Variants in GRM8 observed in about 807,000 individuals in gnomAD.
The protein encoded by GRM8 is glutamate metabotropic receptor 8.
Under a neutral mutation model 87.2 loss-of-function variants are expected in GRM8, and 47 were observed. That is an observed-to-expected ratio of 0.54 (90% CI 0.43 to 0.69). GRM8 has a LOEUF of 0.69. Ranked by LOEUF, GRM8 falls within the 30% of genes least tolerant of loss-of-function variation. The probability of loss-of-function intolerance (pLI) is 0.00; values close to 1 mark genes in which losing one functional copy is unlikely to be tolerated. For synonymous variants in GRM8, 396 were observed against 404.5 expected (o/e 0.98, Z 0.25); for missense variants, 1,019 against 1,139.2 (o/e 0.89, Z 1.52).
chr7:126,687,969 G>C (rs767197905), intron 7 of GRM8, among the ~76,000 whole-genome samples: 15 of 151,426 alleles, frequency 9.9e-5, no homozygotes, highest in Non-Finnish European at 2.1e-4. Context: ...TTTTCTATTG[G>C]GTTGTATTTT....
At chr7:127,060,324 A>G (rs1276621445) in intron 3 of GRM8, among the ~76,000 whole-genome samples, 1 of 152,092 alleles carries the variant, frequency 6.6e-6, no homozygotes, top group Non-Finnish European at 1.5e-5. Flanking sequence ...ATATATACAC[A>G]TATATATTCA....
intron 3 of GRM8, among the ~76,000 whole-genome samples, chr7:127,063,867 A>T (rs17867752): frequency 0.046 from 7,045 of 152,262 alleles, 311 homozygotes; most frequent in Non-Finnish European, 0.059. Flanking sequence ...TTTCTGCCTT[A>T]ATTTCACTAT....
chr7:126,586,590 C>T (rs549749843), intron 8 of GRM8, among the ~76,000 whole-genome samples: 1 of 152,160 alleles, frequency 6.6e-6, no homozygotes, highest in Non-Finnish European at 1.5e-5. Flanking sequence ...AAAGGATTCC[C>T]TATTTAATAA....
chr7:126,654,699 T>C (rs1157535577), intron 7 of GRM8, among the ~76,000 whole-genome samples: 3 of 152,190 alleles, frequency 2.0e-5, no homozygotes, highest in Non-Finnish European at 4.4e-5. Context: ...TCAATAACAA[T>C]GTCATCATTT....
At chr7:126,528,581 A>C (rs1457988507) in intron 9 of GRM8, among the ~76,000 whole-genome samples, 2 of 151,662 alleles carry the variant, frequency 1.3e-5, no homozygotes, top group Non-Finnish European at 2.9e-5. Context: ...AGTTATTAGT[A>C]CAAAAAAACA....
At chr7:126,845,271 G>T (rs992549212) in intron 6 of GRM8, among the ~76,000 whole-genome samples, 4 of 152,148 alleles carry the variant, frequency 2.6e-5, no homozygotes, top group African/African-American at 9.7e-5. Context: ...TTGTGCTCAT[G>T]GAGAAAAATA....
intron 3 of GRM8, among the ~76,000 whole-genome samples, chr7:126,997,202 G>A (rs759018293): frequency 1.7e-4 from 25 of 150,642 alleles, no homozygotes; most frequent in Non-Finnish European, 2.7e-4. Flanking sequence ...TGACCAGTGG[G>A]TCAATGAAGA....
intron 8 of GRM8, among the ~76,000 whole-genome samples, chr7:126,602,371 C>T (rs1055625697): frequency 4.5e-5 from 6 of 131,924 alleles, no homozygotes; most frequent in African/African-American, 1.5e-4. Flanking sequence ...TAGCGTGATG[C>T]CTCCAGCTTT....
intron 8 of GRM8, among the ~76,000 whole-genome samples, chr7:126,547,603 C>G (rs1817303241): frequency 6.6e-6 from 1 of 151,036 alleles, no homozygotes; most frequent in East Asian, 1.9e-4. Flanking sequence ...GAAATTTAAG[C>G]AAAAAGACAT....
At chr7:126,920,724 T>C (rs1238107763) in intron 3 of GRM8, among the ~76,000 whole-genome samples, 1 of 152,074 alleles carries the variant, frequency 6.6e-6, no homozygotes, top group Admixed American at 6.6e-5. Context: ...GCTGAAGACA[T>C]AGTGAGTTTC....
chr7:127,119,481 G>GTC lies in GRM8; in HGVS notation c.511-12771_511-12770dup, dbSNP rs66684637. Among the ~76,000 whole-genome samples, 351 of 148,778 alleles carry GTC rather than the reference G, an allele frequency of 2.4e-3. 1 individual carries two copies. The highest frequency in any genetic ancestry group is 0.016 in the East Asian group (83 of 5,052). ...AGCCTGGGTGACAGAGCGAGATCCT[G>GTC]TCTCTCTCTCTCTCTCTCTCACACA... On this transcript the variant is annotated intron_variant, in intron 2 of 10. Coordinates refer to ENST00000339582, the MANE Select transcript of GRM8 (RefSeq NM_000845.3).
In GRM8 at chr7:126,533,125, G is replaced by A; in HGVS notation, c.2257C>T (p.Leu753Phe). The part of the protein sequence containing the change: ...DISDLSLICS[L>F]GYSILLMVTC... Reference sequence around the variant, plus strand: ...ACCATCAAGAGGATACTGTATCCAAGTGAACAAATGAGTGAGAGATCAGAA... The same window carrying A: ...ACCATCAAGAGGATACTGTATCCAAATGAACAAATGAGTGAGAGATCAGAA... The change falls in exon 9 of 11, where the codon CTT (leucine) becomes TTT (phenylalanine). Residue 753 changes from leucine (L) to phenylalanine (F), a missense_variant. By Grantham distance (22) the Leu-to-Phe change is conservative. Transcript: ENST00000339582. 1 of 1,613,352 alleles carries A rather than the reference G, an allele frequency of 6.2e-7. No individual in the cohort carries two copies. Among genetic ancestry groups the A allele is most frequent in the East Asian group, 2.2e-5 (1 of 44,838 alleles).
At chr7:127,031,769 C>G (rs1817392739) in intron 3 of GRM8, among the ~76,000 whole-genome samples, 9 of 152,084 alleles carry the variant, frequency 5.9e-5, no homozygotes, top group Admixed American at 5.9e-4. Context: ...TTCCAAAAAT[C>G]TTTGTACCTT....
In GRM8 at chr7:126,960,823, T is replaced by C. The variant is rs565003613; in HGVS notation, c.728-56140A>G. Among the ~76,000 whole-genome samples, 83 of 152,350 alleles carry C rather than the reference T, an allele frequency of 5.4e-4. 1 individual carries two copies. Among genetic ancestry groups the C allele is most frequent in the Middle Eastern group, 3.4e-3 (1 of 294 alleles). On this transcript the variant is annotated intron_variant, in intron 3 of 10. Transcript: ENST00000339582. ...AAAGCAGTGCCATTTAATATTGTTC[T>C]TTTCTTGCTATTCCCACTTTCTATA...
chr7:126,865,460 C>T (rs1237708472), intron 6 of GRM8, among the ~76,000 whole-genome samples: 1 of 152,152 alleles, frequency 6.6e-6, no homozygotes, highest in African/African-American at 2.4e-5. Context: ...TTAAAATGAA[C>T]AATTCAATGG....
intron 3 of GRM8, among the ~76,000 whole-genome samples, chr7:127,068,684 A>G (rs1451095814): frequency 2.6e-5 from 4 of 152,222 alleles, no homozygotes; most frequent in Non-Finnish European, 5.9e-5. Flanking sequence ...GCTTTTTACC[A>G]ACTACCGACT....
At chr7:126,905,052 G>A (rs1214745696) in intron 3 of GRM8, among the ~76,000 whole-genome samples, 1 of 152,162 alleles carries the variant, frequency 6.6e-6, no homozygotes, top group African/African-American at 2.4e-5. Flanking sequence ...GTATGAATAT[G>A]TCTTATAGTT....
At chr7:127,205,366 A>G (rs559602853) in intron 2 of GRM8, among the ~76,000 whole-genome samples, 3 of 152,360 alleles carry the variant, frequency 2.0e-5, no homozygotes, top group Admixed American at 6.5e-5. Flanking sequence ...AGTCACATTT[A>G]CATTAATGCC....
At chr7:126,935,590 G>T (rs1312506186) in intron 3 of GRM8, among the ~76,000 whole-genome samples, 1 of 152,182 alleles carries the variant, frequency 6.6e-6, no homozygotes, top group Non-Finnish European at 1.5e-5. Flanking sequence ...CAGAGCATCA[G>T]ATCTGCAGTT....
Sources: allele counts gnomAD v4.1 joint callset (sites outside exome capture counted in the v4.1 genomes callset), GRCh38; gene constraint gnomAD v4.1.1; transcripts MANE v1.5; gene names NCBI Gene and HGNC (gene_info 2026-07-23, HGNC 2026-07-21).